The following CCDC178 variants were observed in gnomAD, a reference collection of about 807,000 sequenced individuals.
CCDC178 encodes the protein coiled-coil domain containing 178, also known as coiled-coil domain-containing protein 178.
Under a neutral mutation model 117.4 loss-of-function variants are expected in CCDC178, and 126 were observed. That is an observed-to-expected ratio of 1.07 (90% CI 0.93 to 1.24). The LOEUF (loss-of-function observed/expected upper bound fraction) is 1.24, where lower values mean the gene tolerates loss of function less well. CCDC178 is among the 50% of genes most tolerant of loss of function. The pLI, the probability that CCDC178 is intolerant of heterozygous loss-of-function variation, is 0.00. For missense variants in CCDC178, 1,030 were observed against 986.9 expected (o/e 1.04, Z -0.59); for synonymous variants, 283 against 313.4 (o/e 0.90, Z 1.02).
chr18:33,287,641 A>G (rs1188825897), intron 12 of CCDC178, among the ~76,000 whole-genome samples: 1 of 151,962 alleles, frequency 6.6e-6, no homozygotes, highest in East Asian at 1.9e-4. Flanking sequence ...TTAGTTGGGT[A>G]TGGTGGCTCA....
intron 20 of CCDC178, among the ~76,000 whole-genome samples, chr18:33,203,053 A>C (rs994972530): frequency 6.6e-6 from 1 of 152,186 alleles, no homozygotes. Flanking sequence ...ACAAATTCAC[A>C]TTTCCAATGC....
chr18:33,092,987 AT>A, intron 20 of CCDC178, 77 bp from the exon 21 acceptor site: 1 of 898,772 alleles, frequency 1.1e-6, no homozygotes, highest in South Asian at 2.2e-5. Flanking sequence ...ATTTGTTTGA[AT>A]TTTTACATCT....
intron 14 of CCDC178, among the ~76,000 whole-genome samples, chr18:33,246,704 A>C (rs2059553407): frequency 6.6e-6 from 1 of 151,798 alleles, no homozygotes. Context: ...CGACCAGTGC[A>C]AGGTTCACTG....
Position 33,370,170 on chromosome 18 carries a change from G to A in CCDC178, c.228C>T (p.Tyr76=). The part of the protein sequence containing the change: ...TNTEGVNKGI[Y]FSYPCRRHSC... The stretch of plus-strand genomic sequence containing the variant: ...TGTGACGTCGACATGGGTAGCTAAA[G>A]TAAATGCCTTTATTCACCCCTAAAG... Residue 76 remains tyrosine (Y), a synonymous_variant, in exon 6 of 23, where the codon TAC becomes TAT. Coordinates refer to ENST00000383096, the MANE Select transcript of CCDC178 (RefSeq NM_001105528.4). 6.2e-7 allele frequency: 1 copy of A among 1,602,570 alleles called. No individual in the cohort carries two copies. The highest frequency in any genetic ancestry group is 1.1e-5 in the South Asian group (1 of 89,322).
chr18:33,139,720 T>A (rs2058174665), intron 20 of CCDC178, among the ~76,000 whole-genome samples: 2 of 152,176 alleles, frequency 1.3e-5, no homozygotes, highest in South Asian at 2.1e-4. Context: ...AAGCAGAGCA[T>A]AACAGTTTGG....
intron 20 of CCDC178, among the ~76,000 whole-genome samples, chr18:33,126,993 A>T (rs910029318): frequency 2.2e-5 from 3 of 138,424 alleles, no homozygotes; most frequent in African/African-American, 9.0e-5. Flanking sequence ...GGTTAAAAAA[A>T]AAAAATATAT....
intron 20 of CCDC178, among the ~76,000 whole-genome samples, chr18:33,178,013 G>A (rs964443241): frequency 6.6e-5 from 10 of 151,892 alleles, no homozygotes. Flanking sequence ...TTCTCTCAGT[G>A]GACTTTTTTT....
chr18:33,430,078 ATATATCTG>A (rs953616721), intron 2 of CCDC178, among the ~76,000 whole-genome samples: 5 of 152,202 alleles, frequency 3.3e-5, no homozygotes, highest in Admixed American at 3.3e-4. Context: ...ATCATTTCAG[ATATATCTG>A]TATCTACAAA....
At chr18:33,213,114 A>G (rs1254264096) in intron 19 of CCDC178, among the ~76,000 whole-genome samples, 1 of 152,018 alleles carries the variant, frequency 6.6e-6, no homozygotes, top group African/African-American at 2.4e-5. Context: ...TAATAATGAG[A>G]TAGCCACCTA....
intron 21 of CCDC178, among the ~76,000 whole-genome samples, chr18:33,027,917 A>T (rs1188964567): frequency 6.6e-6 from 1 of 151,766 alleles, no homozygotes; most frequent in Admixed American, 6.6e-5. Flanking sequence ...AGTGAAAAAT[A>T]CTAGTCAAAA....
intron 21 of CCDC178, among the ~76,000 whole-genome samples, chr18:32,997,403 T>A (rs1159054629): frequency 2.0e-5 from 3 of 152,162 alleles, no homozygotes; most frequent in African/African-American, 7.2e-5. Flanking sequence ...AAAAGACTGA[T>A]GTTCTCCACC....
chr18:33,047,705 A>G (rs2056670149), intron 21 of CCDC178, among the ~76,000 whole-genome samples: 1 of 152,102 alleles, frequency 6.6e-6, no homozygotes. Context: ...AGAACATGGG[A>G]CTCTAAATGA....
intron 2 of CCDC178, among the ~76,000 whole-genome samples, chr18:33,428,853 C>T (rs916782096): frequency 6.6e-6 from 1 of 150,654 alleles, no homozygotes; most frequent in African/African-American, 2.4e-5. Context: ...TTCTCAGGAC[C>T]CTTTAATGTG....
chr18:33,005,604 G>A (rs751738115), intron 21 of CCDC178, among the ~76,000 whole-genome samples: 3 of 151,986 alleles, frequency 2.0e-5, no homozygotes, highest in Non-Finnish European at 4.4e-5. Flanking sequence ...ATAACTAATA[G>A]AGAATAATTG....
At chr18:33,122,772 T>G (rs963991244) in intron 20 of CCDC178, among the ~76,000 whole-genome samples, 1 of 152,174 alleles carries the variant, frequency 6.6e-6, no homozygotes, top group South Asian at 2.1e-4. Flanking sequence ...TGACTGGAAT[T>G]TGCTTGGCTT....
At chr18:33,249,324 A>C (rs2059589215) in intron 14 of CCDC178, among the ~76,000 whole-genome samples, 2 of 152,082 alleles carry the variant, frequency 1.3e-5, no homozygotes, top group Admixed American at 1.3e-4. Flanking sequence ...TTGGTGTTTT[A>C]GACATGAAGT....
intron 21 of CCDC178, among the ~76,000 whole-genome samples, chr18:32,993,588 C>T (rs2055439375): frequency 6.6e-6 from 1 of 152,196 alleles, no homozygotes. Flanking sequence ...CCCTCTTGGG[C>T]CAAGCCCCAG....
intron 2 of CCDC178, among the ~76,000 whole-genome samples, chr18:33,426,146 T>C (rs1343512621): frequency 6.6e-6 from 1 of 152,242 alleles, no homozygotes; most frequent in Non-Finnish European, 1.5e-5. Context: ...CCTGACTTCG[T>C]GATCCGCCCA....
intron 3 of CCDC178, among the ~76,000 whole-genome samples, chr18:33,408,848 T>G (rs182061000): frequency 1.8e-4 from 27 of 152,294 alleles, no homozygotes; most frequent in African/African-American, 5.5e-4. Context: ...GTTTTGTATT[T>G]AGAGAAAATA....
Sources: gnomAD v4.1 joint callset for allele counts (sites outside exome capture counted in the v4.1 genomes callset) on GRCh38, gnomAD v4.1.1 for gene constraint, MANE v1.5 for transcripts, NCBI Gene and HGNC (gene_info 2026-07-23, HGNC 2026-07-21) for gene names.